Variants in ROBO2 observed in about 807,000 individuals in gnomAD.
The protein encoded by ROBO2 is roundabout guidance receptor 2, also known as roundabout homolog 2.
In ROBO2, 53 loss-of-function variants were observed where a neutral mutation model predicts 160.8. The observed-to-expected ratio is 0.33, with a 90% CI of 0.26 to 0.41. The LOEUF is 0.41. ROBO2 is among the 10% of genes least tolerant of loss of function. ROBO2 has a pLI of 1.00. For missense variants in ROBO2, 1,577 were observed against 1,722.4 expected, an observed-to-expected ratio of 0.92 and a Z score of 1.49; for synonymous variants, 664 against 611.7, an observed-to-expected ratio of 1.09 and a Z score of -1.26.
chr3:77,086,942 G>C (rs73112417), intron 1 of ROBO2, among the ~76,000 whole-genome samples: 4,302 of 152,202 alleles, frequency 0.028, 107 homozygotes, highest in East Asian at 0.12. Flanking sequence ...TGGGGTACAG[G>C]AAAATTTATC....
At chr3:77,197,518 G>A (rs2082415139) in intron 2 of ROBO2, among the ~76,000 whole-genome samples, 1 of 152,198 alleles carries the variant, frequency 6.6e-6, no homozygotes. Flanking sequence ...GTTGGTTCTA[G>A]TGAAGTTGAG....
At chr3:76,326,667 G>A (rs1438399718) in intron 2 of ROBO2, among the ~76,000 whole-genome samples, 2 of 151,262 alleles carry the variant, frequency 1.3e-5, no homozygotes, top group African/African-American at 4.9e-5. Flanking sequence ...TGTGCACATT[G>A]TGCAGGTTAG....
chr3:76,680,275 G>A (rs1432448506), intron 2 of ROBO2, among the ~76,000 whole-genome samples: 2 of 150,312 alleles, frequency 1.3e-5, no homozygotes, highest in Non-Finnish European at 3.0e-5. Context: ...AGCACTGCCT[G>A]AATATTTTAG....
chr3:76,348,478 C>A (rs924389011), intron 2 of ROBO2, among the ~76,000 whole-genome samples: 5 of 152,088 alleles, frequency 3.3e-5, no homozygotes, highest in African/African-American at 1.2e-4. Context: ...CAAGTGAAGA[C>A]CTCTACTAAT....
At chr3:76,918,133 G>A (rs1476002968) in intron 2 of ROBO2, among the ~76,000 whole-genome samples, 1 of 152,134 alleles carries the variant, frequency 6.6e-6, no homozygotes, top group African/African-American at 2.4e-5. Context: ...ATTTGATAGG[G>A]CTTGGCTGTA....
intron 2 of ROBO2, among the ~76,000 whole-genome samples, chr3:77,001,504 T>C (rs551269612): frequency 2.0e-5 from 3 of 152,160 alleles, no homozygotes; most frequent in Admixed American, 1.3e-4. Context: ...TCACATATGG[T>C]CAGTGATGGA....
rs538895596 is a variant in ROBO2, at chr3:77,440,717, T to G, written c.389-36697T>G. ...ATGTGAAAGCTCAATTTTATTCCTCTTTATTCATTCTTACTGGGAAAGAAG... is the reference window on the plus strand; with the variant it reads ...ATGTGAAAGCTCAATTTTATTCCTCGTTATTCATTCTTACTGGGAAAGAAG... On this transcript the variant is annotated intron_variant, in intron 2 of 25. Coordinates refer to ENST00000461745, the Ensembl canonical transcript of ROBO2. Among the ~76,000 whole-genome samples, 7 of 152,340 alleles carry G rather than the reference T, an allele frequency of 4.6e-5. No individual in the cohort carries two copies. The East Asian group carries it at 5.8e-4, about 13-fold the overall frequency.
Position 77,644,916 on chromosome 3 carries a change from G to C in ROBO2, c.4135+12G>C, listed in dbSNP as rs377757080. On this transcript the variant is annotated intron_variant, in intron 25 of 25. Coordinates refer to ENST00000461745, the Ensembl canonical transcript of ROBO2. ...TACAGGTGAATTATGTAAGTGCTTA[G>C]GTCATTTAAAAGGCTATCGTGATTC... The C allele has an allele frequency of 1.9e-5, 31 of 1,612,656 alleles. No individual in the cohort carries two copies. In the African/African-American group the frequency reaches 3.2e-4, roughly 17 times the overall value.
intron 2 of ROBO2, among the ~76,000 whole-genome samples, chr3:76,809,605 G>A (rs970040357): frequency 3.0e-4 from 46 of 152,258 alleles, no homozygotes; most frequent in African/African-American, 1.1e-3. Flanking sequence ...CAAAATATTG[G>A]TATCGCCTTA....
intron 2 of ROBO2, among the ~76,000 whole-genome samples, chr3:77,308,136 C>T (rs11127586): frequency 0.22 from 32,734 of 149,416 alleles, 4,551 homozygotes; most frequent in Non-Finnish European, 0.3. Context: ...ACAAAGTCTA[C>T]AAATTAAATC....
intron 2 of ROBO2, among the ~76,000 whole-genome samples, chr3:76,405,434 G>C (rs897310075): frequency 1.3e-5 from 2 of 151,676 alleles, no homozygotes; most frequent in African/African-American, 4.8e-5. Context: ...ATGTAGTTTA[G>C]TTAATTCCCT....
exon 23 of ROBO2, chr3:77,622,254 A>G (rs930292546): frequency 1.9e-6 from 3 of 1,614,034 alleles, no homozygotes; most frequent in African/African-American, 1.3e-5. Context: ...ATCAACCTCC[A>G]CAGCCTCCAG....
intron 2 of ROBO2, among the ~76,000 whole-genome samples, chr3:76,463,014 C>T (rs941361306): frequency 6.6e-6 from 1 of 152,018 alleles, no homozygotes; most frequent in African/African-American, 2.4e-5. Flanking sequence ...TCACTTTGCC[C>T]ATCACCGCAT....
chr3:77,352,004 G>A (rs999563153), intron 2 of ROBO2, among the ~76,000 whole-genome samples: 3 of 151,310 alleles, frequency 2.0e-5, no homozygotes, highest in East Asian at 2.0e-4. Context: ...GCTAAATGAC[G>A]AGTTAATGGG....
At chr3:77,062,533 G>C (rs754518713) in intron 1 of ROBO2, among the ~76,000 whole-genome samples, 1 of 152,088 alleles carries the variant, frequency 6.6e-6, no homozygotes, top group African/African-American at 2.4e-5. Context: ...GGCACAGCTG[G>C]GTACTTATTC....
intron 1 of ROBO2, among the ~76,000 whole-genome samples, chr3:75,911,552 CTTTTTTTTTTTTT>C (rs56787695): frequency 2.4e-5 from 2 of 83,558 alleles, no homozygotes; most frequent in South Asian, 5.1e-4. Context: ...AGCCTTGTTT[CTTTTTTTTTTTTT>C]TTTTTTTTTT....
chr3:76,146,700 G>GTGTGCA lies in ROBO2; in HGVS notation c.109+209102_109+209103insCATGTG, dbSNP rs1228437805. Among the ~76,000 whole-genome samples the GTGTGCA allele has an allele frequency of 5.3e-3, 721 of 134,982 alleles. 8 individuals carry two copies. The highest frequency in any genetic ancestry group is 0.018 in the African/African-American group (679 of 37,692). 88.6% of individuals were successfully genotyped at this position (134,982 alleles called of 152,430 possible). On this transcript the variant is annotated intron_variant, in intron 2 of 26. Coordinates refer to the ROBO2 transcript ENST00000487694. ...TTAAAAGCATGGGATTACATAGGGT[G>GTGTGCA]TGTGTGTGTGTGTGTGTGTGTGTGT...
At chr3:76,759,171 C>G (rs1206401468) in intron 2 of ROBO2, among the ~76,000 whole-genome samples, 4 of 151,732 alleles carry the variant, frequency 2.6e-5, no homozygotes, top group Non-Finnish European at 5.9e-5. Flanking sequence ...AAGTGAGGCA[C>G]AGATAGATAG....
intron 2 of ROBO2, among the ~76,000 whole-genome samples, chr3:75,957,877 A>G (rs1407785747): frequency 1.3e-5 from 2 of 151,792 alleles, no homozygotes; most frequent in East Asian, 3.9e-4. Flanking sequence ...TTGTTCAGTT[A>G]TATACTGTAC....
Sources: allele counts gnomAD v4.1 joint callset (sites outside exome capture counted in the v4.1 genomes callset), GRCh38; gene constraint gnomAD v4.1.1; transcripts MANE v1.5; gene names NCBI Gene and HGNC (gene_info 2026-07-23, HGNC 2026-07-21).